Variants in SCUBE2 observed in about 807,000 individuals in gnomAD.
SCUBE2 encodes the protein signal peptide, CUB domain and EGF like domain containing 2.
A neutral mutation model predicts 125.9 loss-of-function variants in SCUBE2; 114 were observed. The observed-to-expected ratio is 0.91, with a 90% CI of 0.78 to 1.06. The LOEUF (loss-of-function observed/expected upper bound fraction) is 1.06, where lower values mean the gene tolerates loss of function less well. Among genes scored for constraint, SCUBE2 ranks in the 50% least tolerant of loss-of-function variants. The pLI is 0.00. For missense variants in SCUBE2, 1,255 were observed against 1,301.8 expected (o/e 0.96, Z 0.55); for synonymous variants, 459 against 492.9 (o/e 0.93, Z 0.91).
chr11:9,076,517 A>C (rs1273643972), intron 3 of SCUBE2, among the ~76,000 whole-genome samples: 1 of 151,896 alleles, frequency 6.6e-6, no homozygotes, highest in African/African-American at 2.4e-5. Context: ...TATTCAATGC[A>C]TGAACAAACA....
In SCUBE2 at chr11:9,071,061, G is replaced by A. The variant is rs1010232211; in HGVS notation, c.518-1566C>T. On this transcript the variant is annotated intron_variant, in intron 4 of 22. Coordinates refer to ENST00000649792, the MANE Select transcript of SCUBE2 (RefSeq NM_001367977.2). ...CCCCAGTACTGAGATGGCGCGGGAG[G>A]TGACAGCTGCCTCTAGAAGCAGTGT... Among the ~76,000 whole-genome samples, 3 of 152,198 alleles carry A rather than the reference G, an allele frequency of 2.0e-5. No homozygotes were observed. The East Asian group carries it at 5.8e-4, about 29-fold the overall frequency.
intron 7 of SCUBE2, 47 bp downstream of exon 7, chr11:9,065,844 G>A (rs748514954): frequency 6.5e-7 from 1 of 1,530,078 alleles, no homozygotes; most frequent in Non-Finnish European, 9.1e-7. Context: ...GTTGGGGAGG[G>A]AAAAGGACAA....
intron 5 of SCUBE2, among the ~76,000 whole-genome samples, chr11:9,068,473 C>A (rs1182984835): frequency 6.6e-6 from 1 of 152,042 alleles, no homozygotes; most frequent in African/African-American, 2.4e-5. Context: ...AGGCAAGGTC[C>A]CTGACTTGGA....
In SCUBE2 at chr11:9,033,708, T is replaced by C; in HGVS notation, c.2091A>G (p.Gln697=). 1 of 1,614,076 alleles carries C rather than the reference T, an allele frequency of 6.2e-7. No individual in the cohort carries two copies. The highest frequency in any genetic ancestry group is 1.3e-5 in the African/African-American group (1 of 75,012). Residue 697 remains glutamine (Q), a synonymous_variant, in exon 17 of 23, where the codon CAA becomes CAG. Coordinates refer to ENST00000649792, the MANE Select transcript of SCUBE2 (RefSeq NM_001367977.2). ...PNGTFQNEEG[Q]MTCEPCPRPG... Reference sequence around the variant, plus strand: ...GTCTTGGGCATGGTTCACAAGTCATTTGTCCTTCCTCATTTTGGAAGGTTC... The same window carrying C: ...GTCTTGGGCATGGTTCACAAGTCATCTGTCCTTCCTCATTTTGGAAGGTTC...
At chr11:9,069,577 T>C in intron 4 of SCUBE2, 82 bp from the exon 5 acceptor site, 1 of 1,574,594 alleles carries the variant, frequency 6.4e-7, no homozygotes, top group Non-Finnish European at 8.7e-7. Flanking sequence ...GGCTAAGGGG[T>C]GGCCCACAGA....
At position 9,059,392 on chromosome 11, in the gene SCUBE2, C is replaced by G; in HGVS notation, c.1001G>C (p.Cys334Ser). Residue 334 changes from cysteine to serine, a missense_variant, in exon 9 of 23, where the codon TGT becomes TCT. Around this residue, in one of 3 missense-constraint regions of SCUBE2, gnomAD observed 378 missense variants for 463.1 expected, o/e 0.82. Coordinates refer to ENST00000649792, the MANE Select transcript of SCUBE2 (RefSeq NM_001367977.2). The part of the protein sequence containing the change: ...IDECQTRNGG[C>S]DHFCKNIVGS... ...CACGATGTTTTTGCAGAAATGATCA[C>G]AACCTCCATTGCGGGTCTGGCACTC... The G allele has an allele frequency of 6.2e-7, 1 of 1,614,236 alleles. No individual in the cohort carries two copies. Among genetic ancestry groups the G allele is most frequent in the Non-Finnish European group, 8.5e-7 (1 of 1,180,034 alleles).
At chr11:9,024,000 T>C (rs1027429169) in intron 21 of SCUBE2, among the ~76,000 whole-genome samples, 6 of 151,620 alleles carry the variant, frequency 4.0e-5, no homozygotes, top group African/African-American at 1.5e-4. Context: ...TGGAAATATA[T>C]GTTTGAAAAA....
intron 16 of SCUBE2, among the ~76,000 whole-genome samples, chr11:9,041,738 C>G (rs537582260): frequency 1.3e-5 from 2 of 150,392 alleles, no homozygotes; most frequent in Non-Finnish European, 3.0e-5. Flanking sequence ...CAAAGAGCTT[C>G]GTTCTACACA....
chr11:9,040,536 A>G (rs1048529509), intron 16 of SCUBE2, among the ~76,000 whole-genome samples: 3 of 112,936 alleles, frequency 2.7e-5, no homozygotes, highest in Admixed American at 1.8e-4. Flanking sequence ...TATCCCAGGC[A>G]GGATGGGGAG....
intron 16 of SCUBE2, among the ~76,000 whole-genome samples, chr11:9,046,780 A>G (rs564443694): frequency 6.6e-6 from 1 of 152,358 alleles, no homozygotes; most frequent in South Asian, 2.1e-4. Context: ...AGCCTCTTGT[A>G]GACAGTTACA....
chr11:9,058,813 T>A (rs140115529), intron 9 of SCUBE2, among the ~76,000 whole-genome samples: 2,826 of 151,814 alleles, frequency 0.019, 35 homozygotes, highest in Middle Eastern at 0.031. Flanking sequence ...ATTAAAAAAT[T>A]AAAAAAACAA....
At chr11:9,022,047 C>T in intron 21 of SCUBE2, 92 bp from the exon 22 acceptor site, 1 of 898,764 alleles carries the variant, frequency 1.1e-6, no homozygotes, top group South Asian at 1.4e-5. Context: ...GAGAAATGCC[C>T]CTTCTGTGGC....
chr11:9,089,261 C>T (rs770193351), intron 2 of SCUBE2, among the ~76,000 whole-genome samples: 1 of 152,166 alleles, frequency 6.6e-6, no homozygotes, highest in Non-Finnish European at 1.5e-5. Flanking sequence ...TGGCCAAAGC[C>T]ATAAACAGGA....
chr11:9,082,243 T>G (rs563055274), intron 2 of SCUBE2, among the ~76,000 whole-genome samples: 2 of 152,362 alleles, frequency 1.3e-5, no homozygotes, highest in Non-Finnish European at 2.9e-5. Flanking sequence ...TAATCCCTTA[T>G]AAGATACATG....
At chr11:9,081,670 AAAC>A (rs764195753) in intron 2 of SCUBE2, among the ~76,000 whole-genome samples, 4,319 of 137,266 alleles carry the variant, frequency 0.031, 393 homozygotes, top group East Asian at 0.28. Context: ...ACAAACAAAC[AAAC>A]AAAAAAAAAA....
chr11:9,021,351 GTTT>G (rs1382471977), intron 22 of SCUBE2, among the ~76,000 whole-genome samples, 154 bp from the exon 23 acceptor site: 2 of 151,990 alleles, frequency 1.3e-5, no homozygotes, highest in Non-Finnish European at 2.9e-5. Context: ...CTTCTTTCCA[GTTT>G]TTATTTTTCC....
In SCUBE2 at chr11:9,021,156, A is replaced by G. The variant is rs768032176; in HGVS notation, c.2976T>C (p.His992=). The G allele has an allele frequency of 5.6e-6, 9 of 1,611,140 alleles. No individual in the cohort carries two copies. Among genetic ancestry groups the G allele is most frequent in the Non-Finnish European group, 6.8e-6 (8 of 1,178,658 alleles). Residue 992 remains histidine (H), a synonymous_variant, in exon 23 of 23, where the codon CAT becomes CAC. Coordinates refer to ENST00000649792, the MANE Select transcript of SCUBE2 (RefSeq NM_001367977.2). ...CTGTGTACTTGAAATAGTTCTGGGG[A>G]TGGGCCAGGACATCAAACAGAGCCT... The part of the protein sequence containing the change: ...LIKALFDVLA[H]PQNYFKYTAQ...
At chr11:9,027,942 T>C (rs919811545) in intron 19 of SCUBE2, among the ~76,000 whole-genome samples, 1 of 152,240 alleles carries the variant, frequency 6.6e-6, no homozygotes, top group African/African-American at 2.4e-5. Context: ...AGCTCATTGC[T>C]CTGCAGAGAC....
intron 16 of SCUBE2, among the ~76,000 whole-genome samples, chr11:9,044,862 C>T (rs555172943): frequency 7.9e-5 from 12 of 152,276 alleles, no homozygotes; most frequent in East Asian, 1.9e-4. Context: ...CTGTCCTTTG[C>T]GTCTCTGCCC....
Sources: gnomAD v4.1 joint callset for allele counts (sites outside exome capture counted in the v4.1 genomes callset) on GRCh38, gnomAD v4.1.1 for gene constraint, gnomAD v4.1.1 regional missense constraint, MANE v1.5 for transcripts, NCBI Gene and HGNC (gene_info 2026-07-23, HGNC 2026-07-21) for gene names.